Variants in ALDH6A1 observed in about 807,000 individuals in gnomAD.
The protein encoded by ALDH6A1 is methylmalonate-semialdehyde/malonate-semialdehyde dehydrogenase [acylating], mitochondrial.
In ALDH6A1, 43 loss-of-function variants were observed where a neutral mutation model predicts 62.6. The observed-to-expected ratio is 0.69, with a 90% CI of 0.54 to 0.89. The LOEUF (loss-of-function observed/expected upper bound fraction) is 0.89. ALDH6A1 is among the 40% of genes least tolerant of loss of function. The pLI is 0.00. For missense variants in ALDH6A1, 551 were observed against 661.3 expected, an observed-to-expected ratio of 0.83 and a Z score of 1.83; for synonymous variants, 194 against 234.2, an observed-to-expected ratio of 0.83 and a Z score of 1.57.
chr14:74,069,901 G>C (rs956111273), intron 6 of ALDH6A1, among the ~76,000 whole-genome samples: 2 of 130,566 alleles, frequency 1.5e-5, no homozygotes, highest in Non-Finnish European at 3.1e-5. Flanking sequence ...ACCTAGGCTA[G>C]AGTACAGTGG....
At chr14:74,064,685 T>C in intron 11 of ALDH6A1, 137 bp downstream of exon 11, 1 of 1,614,150 alleles carries the variant, frequency 6.2e-7, no homozygotes, top group Non-Finnish European at 8.5e-7. Context: ...AAATCTTTTT[T>C]AGGGAACCTT....
In ALDH6A1 at chr14:74,060,737, A is replaced by T; in HGVS notation, c.1513T>A (p.Phe505Ile). ...GTAATGGTCTTTAACTGAGTGTAGA[A>T]TTGGATGCCCTAAGGAAAACAGAAA... ...TNFYGKQGIQ[F>I]YTQLKTITSQ... is the part of the protein sequence containing the mutation. Residue 505 changes from phenylalanine to isoleucine, a missense_variant, in exon 12 of 12, where the codon TTC (phenylalanine) becomes ATC (isoleucine). Phe to Ile is a conservative substitution (Grantham distance 21, BLOSUM62 0). Coordinates refer to ENST00000553458, the MANE Select transcript of ALDH6A1 (RefSeq NM_005589.4). The T allele has an allele frequency of 6.2e-7, 1 of 1,611,218 alleles. No homozygotes were observed. The highest frequency in any genetic ancestry group is 2.2e-5 in the East Asian group (1 of 44,852).
chr14:74,069,850 C>CTTTTT (rs779619553), intron 6 of ALDH6A1, among the ~76,000 whole-genome samples: 7 of 122,518 alleles, frequency 5.7e-5, no homozygotes, highest in African/African-American at 1.7e-4. Context: ...CTAATCTAAC[C>CTTTTT]TTTTTTTTTT....
chr14:74,065,125 C>T (rs1033378134), intron 10 of ALDH6A1, 56 bp downstream of exon 10: 9 of 1,594,298 alleles, frequency 5.6e-6, no homozygotes, highest in Non-Finnish European at 7.7e-6. Flanking sequence ...TTTACTGTTT[C>T]CTCTTAGGAA....
intron 1 of ALDH6A1, among the ~76,000 whole-genome samples, chr14:74,082,137 C>T (rs968300632): frequency 3.3e-5 from 5 of 152,048 alleles, no homozygotes; most frequent in African/African-American, 7.2e-5. Flanking sequence ...CGTGGGAGGT[C>T]GAGGCTGCTG....
chr14:74,071,606 G>A (rs979196014), intron 5 of ALDH6A1, 109 bp from the exon 6 acceptor site: 42 of 1,591,672 alleles, frequency 2.6e-5, no homozygotes, highest in South Asian at 1.4e-4. Flanking sequence ...ATGAAGGGGT[G>A]CAGGGTACAC....
At chr14:74,062,144 C>T (rs2060359742) in intron 11 of ALDH6A1, among the ~76,000 whole-genome samples, 1 of 150,826 alleles carries the variant, frequency 6.6e-6, no homozygotes, top group Non-Finnish European at 1.5e-5. Context: ...TGCAAGTGAG[C>T]CGAGAATGCA....
chr14:74,059,351 A>G lies in ALDH6A1; in HGVS notation c.*1291T>C, dbSNP rs1439491953. ...CTTACCCATTTTCATGGTTGGAACA[A>G]TCCTTGATTTCTGGGCCTAAAATAA... On this transcript the variant is annotated 3_prime_UTR_variant, in exon 12 of 12. Transcript: ENST00000553458. 6.6e-6 allele frequency: 3 copies of G among 456,444 alleles called. No homozygotes were observed. Among genetic ancestry groups the G allele is most frequent in the Non-Finnish European group, 1.3e-5 (3 of 226,924 alleles). 28.3% of individuals were successfully genotyped at this position (456,444 alleles called of 1,614,324 possible). A position where few individuals can be genotyped will look rare whatever the true frequency, so the allele number is the denominator to read the frequency against.
intron 2 of ALDH6A1, 107 bp from the exon 3 acceptor site, chr14:74,072,718 T>C (rs2060567773): frequency 3.2e-6 from 4 of 1,262,194 alleles, no homozygotes; most frequent in Non-Finnish European, 4.5e-6. Context: ...GAAAACAAGT[T>C]GATAACGGAA....
Position 74,067,396 on chromosome 14 carries a change from G to A in ALDH6A1, c.1026C>T (p.Asn342=). 6.2e-7 allele frequency: 1 copy of A among 1,613,522 alleles called. No homozygotes were observed. The highest frequency in any genetic ancestry group is 8.5e-7 in the Non-Finnish European group (1 of 1,180,032). Residue 342 remains asparagine (N), a synonymous_variant, in exon 8 of 12, where the codon AAC becomes AAT. Coordinates refer to ENST00000553458, the MANE Select transcript of ALDH6A1 (RefSeq NM_005589.4). The part of the protein sequence containing the change: ...WLPELVEHAK[N]LRVNAGDQPG... ...ATTGATTACCTGCATTGACTCTCAGGTTTTTGGCATGCTCCACCAGCTCTG... is the reference window on the plus strand; with the variant it reads ...ATTGATTACCTGCATTGACTCTCAGATTTTTGGCATGCTCCACCAGCTCTG...
chr14:74,083,234 T>C (rs1043706597), intron 1 of ALDH6A1, among the ~76,000 whole-genome samples: 1 of 152,220 alleles, frequency 6.6e-6, no homozygotes, highest in African/African-American at 2.4e-5. Flanking sequence ...AATACTAATA[T>C]TACCTAAAAG....
chr14:74,072,145 G>A (rs1024292737), intron 4 of ALDH6A1, 58 bp downstream of exon 4: 2 of 1,612,166 alleles, frequency 1.2e-6, no homozygotes, highest in Non-Finnish European at 1.7e-6. Context: ...GTCTCTGTGA[G>A]AGTGACAAAC....
At chr14:74,074,349 C>T (rs10147930) in intron 2 of ALDH6A1, among the ~76,000 whole-genome samples, 2,765 of 148,606 alleles carry the variant, frequency 0.019, 56 homozygotes, top group African/African-American at 0.051. Context: ...TGCAATGGTG[C>T]GATCTTGGCT....
Position 74,070,813 on chromosome 14 carries a change from AG to A in ALDH6A1, c.730+381del, listed in dbSNP as rs1595124251. On this transcript the variant is annotated intron_variant, in intron 6 of 11. Coordinates refer to ENST00000553458, the MANE Select transcript of ALDH6A1 (RefSeq NM_005589.4). ...CTAGGAACGGTGCCTGAAACACAGAAGCACTATTTAAGTATTAGCTATTATT... is the reference window on the plus strand; with the variant it reads ...CTAGGAACGGTGCCTGAAACACAGAACACTATTTAAGTATTAGCTATTATT... 3 of 227,968 alleles carry A rather than the reference AG, an allele frequency of 1.3e-5. No homozygotes were observed. The East Asian group carries it at 3.6e-4, about 27-fold the overall frequency. 14.1% of individuals were successfully genotyped at this position (227,968 alleles called of 1,614,324 possible). A position where few individuals can be genotyped will look rare whatever the true frequency, so the allele number is the denominator to read the frequency against.
At chr14:74,074,859 A>T (rs2060595024) in intron 2 of ALDH6A1, 96 bp downstream of exon 2, 1 of 1,292,154 alleles carries the variant, frequency 7.7e-7, no homozygotes, top group African/African-American at 1.5e-5. Context: ...AAAGTTTCAC[A>T]TACACTCTGA....
chr14:74,072,759 GA>G lies in ALDH6A1; in HGVS notation c.112-149del, dbSNP rs1352043440. ...TGGTCTTTAGAAATGTTACCACTAG[GA>G]AAGAGACACATAATATCCCTATCTA... On this transcript the variant is annotated intron_variant, in intron 2 of 11. Transcript: ENST00000553458. 3.3e-6 allele frequency: 3 copies of G among 904,418 alleles called. No homozygotes were observed. The East Asian group carries it at 7.9e-5, about 24-fold the overall frequency. 56.0% of individuals were successfully genotyped at this position (904,418 alleles called of 1,614,324 possible). A position where few individuals can be genotyped will look rare whatever the true frequency, so the allele number is the denominator to read the frequency against.
In ALDH6A1 at chr14:74,057,092, G is replaced by A. The variant is rs1186484494; in HGVS notation, c.*3550C>T. ...TGACAAGTCTGTTATTCTAAACCAG[G>A]TTTCATGTGTGTAGAGTTGTTGACG... On this transcript the variant is annotated 3_prime_UTR_variant, in exon 12 of 12. Coordinates refer to ENST00000553458, the MANE Select transcript of ALDH6A1 (RefSeq NM_005589.4). 1 of 1,599,946 alleles carries A rather than the reference G, an allele frequency of 6.3e-7. No homozygotes were observed. Among genetic ancestry groups the A allele is most frequent in the African/African-American group, 1.3e-5 (1 of 74,242 alleles).
At chr14:74,079,444 CT>C (rs1480308995) in intron 1 of ALDH6A1, among the ~76,000 whole-genome samples, 5 of 111,388 alleles carry the variant, frequency 4.5e-5, no homozygotes, top group African/African-American at 6.8e-5. Context: ...TTTTTTTTTT[CT>C]TTTTTTGAGA....
chr14:74,057,539 CG>C lies in ALDH6A1; in HGVS notation c.*3102del. Reference sequence around the variant, plus strand: ...TAGCCAAAATGTGTACTATCTTTTACGTAAGAGTAAACATAGTGACCTTGTG... The same window carrying C: ...TAGCCAAAATGTGTACTATCTTTTACTAAGAGTAAACATAGTGACCTTGTG... On this transcript the variant is annotated 3_prime_UTR_variant, in exon 12 of 12. Transcript: ENST00000553458. 1.5e-6 allele frequency: 2 copies of C among 1,338,932 alleles called. No homozygotes were observed. Among genetic ancestry groups the C allele is most frequent in the Non-Finnish European group, 1.9e-6 (2 of 1,036,412 alleles). The allele number at this position is 1,338,932 out of a possible 1,614,324, so 82.9% of individuals were successfully genotyped here. A position where few individuals can be genotyped will look rare whatever the true frequency, so the allele number is the denominator to read the frequency against.
Sources: gnomAD v4.1 joint callset for allele counts (sites outside exome capture counted in the v4.1 genomes callset) on GRCh38, gnomAD v4.1.1 for gene constraint, MANE v1.5 for transcripts, NCBI Gene and HGNC (gene_info 2026-07-23, HGNC 2026-07-21) for gene names.